BMAL1: variants seen among roughly 807,000 people sequenced by gnomAD.
BMAL1 encodes basic helix-loop-helix ARNT-like protein 1.
At chr11:13,308,253 G>A in the BMAL1 span, among the ~76,000 whole-genome samples, 5 of 152,326 alleles carry the variant, frequency 3.3e-5, no homozygotes, top group African/African-American at 1.2e-4. Context: ...GAGCACGTCA[G>A]GGGTCTGTGT....
chr11:13,335,351 T>A, the BMAL1 span, among the ~76,000 whole-genome samples: 1 of 152,256 alleles, frequency 6.6e-6, no homozygotes, highest in African/African-American at 2.4e-5. Flanking sequence ...GGGTTTTGTC[T>A]GTTGTTTTGG....
the BMAL1 span, among the ~76,000 whole-genome samples, chr11:13,364,176 A>C: frequency 6.6e-6 from 1 of 152,236 alleles, no homozygotes; most frequent in Non-Finnish European, 1.5e-5. Context: ...ATTTGTTGAC[A>C]GAATGAGGCT....
chr11:13,334,054 A>G, the BMAL1 span, among the ~76,000 whole-genome samples: 1 of 152,164 alleles, frequency 6.6e-6, no homozygotes. Context: ...TAAGCTCCGT[A>G]CGTGAATTGT....
At chr11:13,377,623 G>A in the BMAL1 span, among the ~76,000 whole-genome samples, 3 of 151,990 alleles carry the variant, frequency 2.0e-5, no homozygotes, top group East Asian at 1.9e-4. Flanking sequence ...TCTGTGTATC[G>A]TCCTTTGGTA....
chr11:13,360,949 C>A, the BMAL1 span, among the ~76,000 whole-genome samples: 1 of 152,174 alleles, frequency 6.6e-6, no homozygotes, highest in African/African-American at 2.4e-5. Flanking sequence ...AACCCTGTCT[C>A]TATTAAATAT....
the BMAL1 span, among the ~76,000 whole-genome samples, chr11:13,343,709 TG>T: frequency 6.6e-6 from 1 of 152,186 alleles, no homozygotes. Flanking sequence ...ATGCATGCCC[TG>T]GGGGAACTAG....
chr11:13,381,136 G>T, the BMAL1 span: 1 of 1,607,284 alleles, frequency 6.2e-7, no homozygotes, highest in Admixed American at 1.7e-5. Context: ...AAAAGAAAAG[G>T]CAGTGTAATT....
chr11:13,317,068 A>G, the BMAL1 span, among the ~76,000 whole-genome samples: 2 of 152,190 alleles, frequency 1.3e-5, no homozygotes, highest in African/African-American at 4.8e-5. Flanking sequence ...TGGAATGAAG[A>G]TGTGCTTAGC....
At chr11:13,301,952 C>T in the BMAL1 span, among the ~76,000 whole-genome samples, 25 of 152,294 alleles carry the variant, frequency 1.6e-4, no homozygotes, top group East Asian at 5.8e-4. Context: ...TCTGTGCTTA[C>T]GACCATGAAG....
the BMAL1 span, among the ~76,000 whole-genome samples, chr11:13,330,925 C>T: frequency 1.1e-4 from 17 of 152,226 alleles, no homozygotes; most frequent in Middle Eastern, 3.4e-3. Context: ...CCTGTGTTGT[C>T]GTAGTGTACT....
chr11:13,356,808 C>T, the BMAL1 span: 1 of 1,614,032 alleles, frequency 6.2e-7, no homozygotes. Flanking sequence ...TGAACTTCAG[C>T]ATCCTTATAG....
At chr11:13,380,992 T>A in the BMAL1 span, 2 of 587,726 alleles carry the variant, frequency 3.4e-6, no homozygotes, top group Admixed American at 3.0e-5. Context: ...AGTTGAGCAT[T>A]TGTGACAAGA....
the BMAL1 span, among the ~76,000 whole-genome samples, chr11:13,358,830 C>CACGT: frequency 6.6e-6 from 1 of 152,220 alleles, no homozygotes; most frequent in African/African-American, 2.4e-5. Context: ...CTGTGCTTTG[C>CACGT]ACGTCTCTGT....
the BMAL1 span, among the ~76,000 whole-genome samples, chr11:13,292,137 C>T: frequency 6.6e-6 from 1 of 152,162 alleles, no homozygotes; most frequent in African/African-American, 2.4e-5. Flanking sequence ...TGGGTCTTCT[C>T]AGTTTTTTCT....
the BMAL1 span, chr11:13,386,760 C>T: frequency 1.2e-6 from 2 of 1,612,716 alleles, no homozygotes; most frequent in African/African-American, 2.7e-5. Flanking sequence ...GCTGTAAACA[C>T]TACATGTTGC....
At chr11:13,291,082 A>G in the BMAL1 span, among the ~76,000 whole-genome samples, 1 of 152,200 alleles carries the variant, frequency 6.6e-6, no homozygotes, top group Non-Finnish European at 1.5e-5. Flanking sequence ...AAAGACAACA[A>G]AAGAAATTTC....
the BMAL1 span, among the ~76,000 whole-genome samples, chr11:13,368,454 T>C: frequency 1.3e-5 from 2 of 152,202 alleles, no homozygotes; most frequent in African/African-American, 2.4e-5. Flanking sequence ...GGCTGAACCA[T>C]GAAGACCATT....
chr11:13,295,033 A>T, the BMAL1 span, among the ~76,000 whole-genome samples: 1 of 152,196 alleles, frequency 6.6e-6, no homozygotes, highest in Admixed American at 6.5e-5. Context: ...AGAAGCAGTC[A>T]AGACTGCAGG....
the BMAL1 span, among the ~76,000 whole-genome samples, chr11:13,371,662 G>A: frequency 6.6e-6 from 1 of 152,140 alleles, no homozygotes; most frequent in Non-Finnish European, 1.5e-5. Flanking sequence ...ACCAACATTG[G>A]TTAGAAAGTA....
Sources: gnomAD v4.1 joint callset for allele counts (sites outside exome capture counted in the v4.1 genomes callset) on GRCh38, gnomAD v4.1.1 for gene constraint, MANE v1.5 for transcripts, NCBI Gene and HGNC (gene_info 2026-07-23, HGNC 2026-07-21) for gene names.